The following ZNF664 variants were observed in gnomAD, a reference collection of about 807,000 sequenced individuals.
The protein encoded by ZNF664 is zinc finger protein 664, also known as zinc finger Organ of Corti 1.
In ZNF664, 10 loss-of-function variants were observed where a neutral mutation model predicts 18.2. The ratio of observed to expected loss-of-function variants is 0.55; its 90% CI spans 0.34 to 0.93. ZNF664 has a LOEUF of 0.93. Among genes scored for constraint, ZNF664 ranks in the 40% least tolerant of loss-of-function variants. The pLI is 0.02. For synonymous variants in ZNF664, 119 were observed against 104.2 expected (o/e 1.14, Z -0.86); for missense variants, 193 against 319.0 (o/e 0.61, Z 3.01).
Position 124,013,745 on chromosome 12 carries a change from A to G in ZNF664, c.*815A>G, listed in dbSNP as rs1957160233. On this transcript the variant is annotated 3_prime_UTR_variant, in exon 5 of 5. Coordinates refer to ENST00000337815, the MANE Select transcript of ZNF664 (RefSeq NM_152437.3). The stretch of plus-strand genomic sequence containing the variant: ...GCAAAGTGAGAGCTTTTCTTCATCC[A>G]GAATTGCCCTCTGGGCTCCTTTGGT... The G allele has an allele frequency of 6.0e-6, 1 of 167,280 alleles. No individual in the cohort carries two copies. The highest frequency in any genetic ancestry group is 2.4e-5 in the African/African-American group (1 of 41,594). 10.4% of individuals were successfully genotyped at this position (167,280 alleles called of 1,614,324 possible).
chr12:123,986,521 C>G (rs569166026), intron 2 of ZNF664, among the ~76,000 whole-genome samples: 2 of 152,174 alleles, frequency 1.3e-5, no homozygotes, highest in African/African-American at 4.8e-5. Flanking sequence ...TGATGACCTC[C>G]GCAGTCATTT....
intron 2 of ZNF664, among the ~76,000 whole-genome samples, chr12:123,979,282 T>C (rs1024591911): frequency 6.6e-6 from 1 of 152,210 alleles, no homozygotes; most frequent in African/African-American, 2.4e-5. Flanking sequence ...GAATAGTTCT[T>C]AGATAAATGT....
In ZNF664 at chr12:123,974,151, A is replaced by G. The variant is rs538122946; in HGVS notation, c.-757+131A>G. ...TCATGAACTCCGTATACCCCCTCCC[A>G]GACATTTTCCCGTCCGGATCCATCT... is the stretch of plus-strand genomic sequence containing the variant. On this transcript the variant is annotated intron_variant, in intron 2 of 4. Coordinates refer to ENST00000337815, the MANE Select transcript of ZNF664 (RefSeq NM_152437.3). The G allele has an allele frequency of 2.4e-5, 14 of 590,836 alleles. No individual in the cohort carries two copies. The African/African-American group carries it at 2.5e-4, about 11-fold the overall frequency. 36.6% of individuals were successfully genotyped at this position (590,836 alleles called of 1,614,324 possible).
In ZNF664 at chr12:123,973,951, C is replaced by T. The variant is rs1444053538; in HGVS notation, c.-826C>T. ...GGTGATGAGGAACCCCTCGCGCACC[C>T]AGCGCAGAAGGCTGCTGCCGCCGGA... is the stretch of plus-strand genomic sequence containing the variant. On this transcript the variant is annotated 5_prime_UTR_variant, in exon 2 of 5. It introduces an in-frame stop codon into an upstream open reading frame of the 5' UTR. Coordinates refer to ENST00000337815, the MANE Select transcript of ZNF664 (RefSeq NM_152437.3). The T allele has an allele frequency of 2.8e-5, 35 of 1,231,830 alleles. No individual in the cohort carries two copies. The highest frequency in any genetic ancestry group is 3.5e-5 in the Non-Finnish European group (35 of 988,124). The allele number at this position is 1,231,830 out of a possible 1,614,324, so 76.3% of individuals were successfully genotyped here.
intron 2 of ZNF664, among the ~76,000 whole-genome samples, chr12:123,986,126 G>T (rs571051738): frequency 6.6e-6 from 1 of 152,040 alleles, no homozygotes; most frequent in African/African-American, 2.4e-5. Context: ...GGGGCTGGAG[G>T]GGGTGGGCTT....
At chr12:124,005,184 A>G (rs1026668153) in intron 3 of ZNF664, among the ~76,000 whole-genome samples, 1 of 152,146 alleles carries the variant, frequency 6.6e-6, no homozygotes. Flanking sequence ...TAGAGAAAAA[A>G]ACAAAATGTA....
In ZNF664 at chr12:124,012,905, A is replaced by G; in HGVS notation, c.761A>G (p.Asn254Ser). The part of the protein sequence containing the change: ...IHQRVHTKER[N>S]HLKISVI ...CAGAGAGTCCACACAAAGGAGAGAAACCATCTCAAAATATCAGTTATATAA... is the reference window on the plus strand; with the variant it reads ...CAGAGAGTCCACACAAAGGAGAGAAGCCATCTCAAAATATCAGTTATATAA... Residue 254 changes from asparagine (N) to serine (S), a missense_variant, in exon 5 of 5, where the codon AAC becomes AGC. Physicochemically the swap from Asn to Ser is conservative, Grantham distance 46. Transcript: ENST00000337815. 6 of 1,613,970 alleles carry G rather than the reference A, an allele frequency of 3.7e-6. No homozygotes were observed. The highest frequency in any genetic ancestry group is 5.1e-6 in the Non-Finnish European group (6 of 1,179,960).
intron 2 of ZNF664, among the ~76,000 whole-genome samples, chr12:123,979,049 T>G (rs917450829): frequency 2.6e-5 from 4 of 152,074 alleles, no homozygotes; most frequent in African/African-American, 9.7e-5. Context: ...TATAAGAGAA[T>G]TTGTTATGTA....
intron 3 of ZNF664, among the ~76,000 whole-genome samples, chr12:123,996,466 G>C (rs567815258): frequency 6.6e-6 from 1 of 152,270 alleles, no homozygotes; most frequent in East Asian, 1.9e-4. Flanking sequence ...TTTGGAGATA[G>C]AATGCTCTGT....
intron 3 of ZNF664, among the ~76,000 whole-genome samples, chr12:124,005,524 T>TGTGCGTGA (rs137963321): frequency 6.8e-6 from 1 of 147,248 alleles, no homozygotes; most frequent in Non-Finnish European, 1.5e-5. Flanking sequence ...TGTGTGTGTG[T>TGTGCGTGA]GAGAGATAGG....
At position 124,005,524 on chromosome 12, in the gene ZNF664, T is replaced by TGTGTGTGTGA. The variant is rs137963321; in HGVS notation, c.-660-5856_-660-5855insTGTGTGTGAG. Reference sequence around the variant, plus strand: ...GTGTGTGTGTGTGTGTGTGTGTGTGTGAGAGATAGGCCAGCATGTCTGTAT... The same window carrying TGTGTGTGTGA: ...GTGTGTGTGTGTGTGTGTGTGTGTGTGTGTGTGTGAGAGAGATAGGCCAGCATGTCTGTAT... On this transcript the variant is annotated intron_variant, in intron 3 of 4. Coordinates refer to ENST00000337815, the MANE Select transcript of ZNF664 (RefSeq NM_152437.3). Among the ~76,000 whole-genome samples the TGTGTGTGTGA allele has an allele frequency of 7.6e-3, 1,117 of 147,278 alleles. 7 individuals carry two copies. Among genetic ancestry groups the TGTGTGTGTGA allele is most frequent in the Admixed American group, 0.013 (189 of 14,826 alleles).
intron 3 of ZNF664, among the ~76,000 whole-genome samples, chr12:123,994,254 T>C (rs533837588): frequency 1.3e-5 from 2 of 152,340 alleles, no homozygotes; most frequent in African/African-American, 4.8e-5. Flanking sequence ...CCCCTTTTTG[T>C]GTCTGGCCTT....
At chr12:124,005,422 G>A (rs1360679520) in intron 3 of ZNF664, among the ~76,000 whole-genome samples, 3 of 151,056 alleles carry the variant, frequency 2.0e-5, no homozygotes, top group Non-Finnish European at 2.9e-5. Context: ...TAATACAGTT[G>A]TCTATCTTTT....
At chr12:124,003,871 C>T (rs1957041053) in intron 3 of ZNF664, among the ~76,000 whole-genome samples, 1 of 152,162 alleles carries the variant, frequency 6.6e-6, no homozygotes, top group Non-Finnish European at 1.5e-5. Context: ...CACTCCAGTG[C>T]CCATTTGAGA....
At chr12:123,977,477 A>G (rs1271818913) in intron 2 of ZNF664, among the ~76,000 whole-genome samples, 1 of 151,724 alleles carries the variant, frequency 6.6e-6, no homozygotes, top group African/African-American at 2.4e-5. Flanking sequence ...AAAAAAAAAA[A>G]AAACCCTAAA....
Position 124,013,248 on chromosome 12 carries a change from G to A in ZNF664, c.*318G>A. The stretch of plus-strand genomic sequence containing the variant: ...CCACAATCATTGCCCGGCCTCCTGA[G>A]TCACCTTCTATCTATACTTTGCTTA... On this transcript the variant is annotated 3_prime_UTR_variant, in exon 5 of 5. Coordinates refer to ENST00000337815, the MANE Select transcript of ZNF664 (RefSeq NM_152437.3). 2.7e-6 allele frequency: 1 copy of A among 368,210 alleles called. No homozygotes were observed. Among genetic ancestry groups the A allele is most frequent in the Non-Finnish European group, 5.1e-6 (1 of 195,146 alleles). 22.8% of individuals were successfully genotyped at this position (368,210 alleles called of 1,614,324 possible).
intron 2 of ZNF664, among the ~76,000 whole-genome samples, chr12:123,985,024 C>T (rs528039617): frequency 6.6e-6 from 1 of 151,976 alleles, no homozygotes; most frequent in Non-Finnish European, 1.5e-5. Context: ...GGAGGAACGG[C>T]CCCAAGATTT....
chr12:123,992,140 T>G (rs1956896171), intron 3 of ZNF664, among the ~76,000 whole-genome samples: 1 of 152,054 alleles, frequency 6.6e-6, no homozygotes, highest in African/African-American at 2.4e-5. Flanking sequence ...CTTTGGTGTG[T>G]AGGGTATAAG....
chr12:123,978,727 A>G (rs973516467), intron 2 of ZNF664, among the ~76,000 whole-genome samples: 1 of 152,186 alleles, frequency 6.6e-6, no homozygotes, highest in Non-Finnish European at 1.5e-5. Context: ...TTAATGGAAA[A>G]GTAGTGTTGG....
Sources: gnomAD v4.1 joint callset for allele counts (sites outside exome capture counted in the v4.1 genomes callset) on GRCh38, gnomAD v4.1.1 for gene constraint, MANE v1.5 for transcripts, NCBI Gene and HGNC (gene_info 2026-07-23, HGNC 2026-07-21) for gene names.